Variants in ERBB4 observed in about 807,000 individuals in gnomAD.
ERBB4 encodes the protein receptor tyrosine-protein kinase erbB-4.
A neutral mutation model predicts 158.0 loss-of-function variants in ERBB4; 42 were observed. The observed-to-expected ratio is 0.27, with a 90% confidence interval of 0.21 to 0.34. ERBB4 has a LOEUF of 0.34. Ranked by LOEUF, ERBB4 falls within the 10% of genes least tolerant of loss-of-function variation. ERBB4 has a pLI of 1.00. For missense variants in ERBB4, 1,333 were observed against 1,624.1 expected, an observed-to-expected ratio of 0.82 and a Z score of 3.08; for synonymous variants, 583 against 558.7, an observed-to-expected ratio of 1.04 and a Z score of -0.61.
At chr2:212,138,888 A>G (rs2080356511) in intron 1 of ERBB4, among the ~76,000 whole-genome samples, 1 of 152,152 alleles carries the variant, frequency 6.6e-6, no homozygotes, top group Non-Finnish European at 1.5e-5. Context: ...TATTGTTTTT[A>G]GTCTTTTTTC....
chr2:212,021,541 C>A (rs926491977), intron 2 of ERBB4, among the ~76,000 whole-genome samples: 2 of 152,092 alleles, frequency 1.3e-5, no homozygotes, highest in African/African-American at 4.8e-5. Context: ...AAACTGGAAT[C>A]CATTTCTCAC....
intron 1 of ERBB4, among the ~76,000 whole-genome samples, chr2:212,226,282 C>T (rs1472337178): frequency 6.6e-6 from 1 of 152,076 alleles, no homozygotes; most frequent in Non-Finnish European, 1.5e-5. Context: ...TAGAAGAGGA[C>T]ATCAGTCACC....
chr2:211,447,291 C>A (rs1048519877), intron 20 of ERBB4, among the ~76,000 whole-genome samples: 4 of 151,980 alleles, frequency 2.6e-5, no homozygotes, highest in African/African-American at 9.7e-5. Flanking sequence ...ACTGTATTAA[C>A]ATTTTTTACC....
chr2:211,946,523 G>T (rs2080696480), intron 3 of ERBB4, among the ~76,000 whole-genome samples: 2 of 138,532 alleles, frequency 1.4e-5, no homozygotes, highest in African/African-American at 5.3e-5. Flanking sequence ...TAAATTAAAA[G>T]TGTAAACTCC....
intron 19 of ERBB4, among the ~76,000 whole-genome samples, chr2:211,611,267 C>T (rs2069183389): frequency 1.3e-5 from 2 of 151,900 alleles, no homozygotes; most frequent in Admixed American, 1.3e-4. Flanking sequence ...ACCAATCGGG[C>T]CCGCCAACCC....
chr2:212,050,692 T>C (rs2125394593), intron 2 of ERBB4, among the ~76,000 whole-genome samples: 1 of 152,352 alleles, frequency 6.6e-6, no homozygotes, highest in South Asian at 2.1e-4. Context: ...TAATTATCTG[T>C]GCTAGTATGG....
At chr2:211,539,807 G>A (rs1282873524) in intron 20 of ERBB4, among the ~76,000 whole-genome samples, 4 of 151,868 alleles carry the variant, frequency 2.6e-5, no homozygotes, top group Admixed American at 6.6e-5. Context: ...ATTGTATCAC[G>A]TCTTAATGTT....
chr2:211,424,651 C>T (rs1025317214), intron 22 of ERBB4, among the ~76,000 whole-genome samples: 7 of 152,084 alleles, frequency 4.6e-5, no homozygotes, highest in African/African-American at 1.7e-4. Context: ...AATTCATCTA[C>T]TATATATACA....
chr2:212,473,446 G>C (rs1310368928), intron 1 of ERBB4, among the ~76,000 whole-genome samples: 2 of 151,900 alleles, frequency 1.3e-5, no homozygotes, highest in Non-Finnish European at 2.9e-5. Context: ...CATAAGATCT[G>C]GGCAATGATT....
chr2:211,708,576 T>C (rs960524287), intron 9 of ERBB4, among the ~76,000 whole-genome samples: 2 of 151,962 alleles, frequency 1.3e-5, no homozygotes, highest in Non-Finnish European at 2.9e-5. Context: ...TCCTGTTTTG[T>C]TTTTTATTGA....
At chr2:212,030,658 C>T (rs906138033) in intron 2 of ERBB4, among the ~76,000 whole-genome samples, 7 of 151,944 alleles carry the variant, frequency 4.6e-5, no homozygotes, top group African/African-American at 1.5e-4. Flanking sequence ...CTGCTGGGAC[C>T]CTGGGGACCT....
rs2086885594 is a variant in ERBB4 at position 212,308,192 on chromosome 2, T to C, written c.83-183289A>G. On this transcript the variant is annotated intron_variant, in intron 1 of 27. Transcript: ENST00000342788. ...AAACATAGGCACACCGTCTGGCATG[T>C]AATAGGTATTAAATATTAACTGAAT... Among the ~76,000 whole-genome samples the C allele has an allele frequency of 3.3e-5, 5 of 151,188 alleles. No individual in the cohort carries two copies. The South Asian group carries it at 1.0e-3, about 31-fold the overall frequency.
chr2:211,947,132 C>T (rs987174934), intron 3 of ERBB4, among the ~76,000 whole-genome samples: 1 of 152,082 alleles, frequency 6.6e-6, no homozygotes, highest in Admixed American at 6.6e-5. Context: ...CACTGTTCAC[C>T]TGAAACCACC....
In ERBB4 at chr2:211,380,241, G is replaced by A. The variant is rs1559108547; in HGVS notation, c.*3374C>T. The A allele has an allele frequency of 1.7e-5, 4 of 232,218 alleles. No individual in the cohort carries two copies. The highest frequency in any genetic ancestry group is 3.4e-5 in the Non-Finnish European group (4 of 117,526). The allele number at this position is 232,218 out of a possible 1,614,324, so 14.4% of individuals were successfully genotyped here. A position where few individuals can be genotyped will look rare whatever the true frequency, so the allele number is the denominator to read the frequency against. ...GCAGAAAACCAGGAGCTGCTTGGTA[G>A]TCTAACACCTTTTGTGGTGCAGATG... is the stretch of plus-strand genomic sequence containing the variant. On this transcript the variant is annotated 3_prime_UTR_variant, in exon 28 of 28. Coordinates refer to ENST00000342788, the MANE Select transcript of ERBB4 (RefSeq NM_005235.3).
intron 12 of ERBB4, 110 bp from the exon 13 acceptor site, chr2:211,679,294 C>A: frequency 1.6e-6 from 2 of 1,287,152 alleles, no homozygotes. Flanking sequence ...AGATATATGG[C>A]AAATGACTTT....
chr2:212,188,164 C>A (rs1409231085), intron 1 of ERBB4, among the ~76,000 whole-genome samples: 1 of 144,082 alleles, frequency 6.9e-6, no homozygotes, highest in Non-Finnish European at 1.5e-5. Flanking sequence ...CCTGTCAGAT[C>A]TCCCTTATAA....
intron 1 of ERBB4, among the ~76,000 whole-genome samples, chr2:212,399,005 G>A (rs1171856042): frequency 4.6e-5 from 7 of 151,926 alleles, no homozygotes; most frequent in Admixed American, 1.3e-4. Context: ...GTGCAGTGGC[G>A]TGATCTTGGC....
chr2:211,454,186 T>G (rs892368581), intron 20 of ERBB4, among the ~76,000 whole-genome samples: 4 of 152,196 alleles, frequency 2.6e-5, no homozygotes, highest in Non-Finnish European at 4.4e-5. Context: ...GCCCTTTTCT[T>G]TTGCACCAAT....
chr2:211,750,535 G>GAT (rs760485270), intron 5 of ERBB4, 104 bp downstream of exon 5: 7 of 968,554 alleles, frequency 7.2e-6, no homozygotes, highest in Non-Finnish European at 1.2e-5. Context: ...ACAAGGAGGT[G>GAT]ATAGCTCATT....
Sources: gnomAD v4.1 joint callset for allele counts (sites outside exome capture counted in the v4.1 genomes callset) on GRCh38, gnomAD v4.1.1 for gene constraint, MANE v1.5 for transcripts, NCBI Gene and HGNC (gene_info 2026-07-23, HGNC 2026-07-21) for gene names.